Variants in SNORC observed in about 807,000 individuals in gnomAD.
The protein encoded by SNORC is secondary ossification center associated regulator of chondrocyte maturation.
A neutral mutation model predicts 9.7 loss-of-function variants in SNORC; 11 were observed. The observed-to-expected ratio is 1.14, with a 90% CI of 0.72 to 1.88. The LOEUF (loss-of-function observed/expected upper bound fraction) is 1.88. Ranked by LOEUF, SNORC falls within the 40% of genes most tolerant of loss-of-function variation. The pLI is 0.00. For synonymous variants in SNORC, 108 were observed against 88.7 expected (o/e 1.22, Z -1.22); for missense variants, 197 against 173.1 (o/e 1.14, Z -0.77).
At chr2:232,875,882 G>T (rs1263796164) in intron 1 of SNORC, 58 bp from the exon 2 acceptor site, 11 of 1,495,312 alleles carry the variant, frequency 7.4e-6, no homozygotes, top group Non-Finnish European at 9.8e-6. Flanking sequence ...GAGGTGGGGG[G>T]TGACGTCCCT....
chr2:232,877,968 A>C (rs2106200710), downstream of SNORC: 1 of 152,298 alleles, frequency 6.6e-6, no homozygotes, highest in East Asian at 1.9e-4. Context: ...CAGGGACGAG[A>C]GATGGCCCCC....
intron 1 of SNORC, among the ~76,000 whole-genome samples, chr2:232,871,450 C>A (rs760890646): frequency 6.6e-6 from 1 of 152,216 alleles, no homozygotes; most frequent in East Asian, 1.9e-4. Flanking sequence ...GACACAGCCA[C>A]GCTCTGCCTC....
intron 1 of SNORC, 45 bp downstream of exon 1, chr2:232,870,459 G>A: frequency 6.6e-7 from 1 of 1,525,692 alleles, no homozygotes; most frequent in Non-Finnish European, 8.9e-7. Context: ...AGCCTCCCAG[G>A]GCCGATAACT....
intron 1 of SNORC, among the ~76,000 whole-genome samples, chr2:232,871,565 C>T (rs192858788): frequency 6.6e-6 from 1 of 152,280 alleles, no homozygotes; most frequent in Non-Finnish European, 1.5e-5. Context: ...CCGAGCCCCT[C>T]CCTGGCACAG....
downstream of SNORC, chr2:232,877,098 GC>G (rs542115383): frequency 2.0e-4 from 197 of 986,104 alleles, no homozygotes; most frequent in African/African-American, 3.2e-3. Flanking sequence ...CAGACCAGCA[GC>G]CCCAAGCCCC....
downstream of SNORC, chr2:232,876,516 T>G (rs780654019): frequency 1.6e-6 from 2 of 1,234,894 alleles, no homozygotes; most frequent in Non-Finnish European, 2.0e-6. This position sits in a 1 kb window ranked among gnomAD's most constrained non-coding sequence, Gnocchi z 6.8. Flanking sequence ...CGAGGGTGGG[T>G]GCCGTGCACG....
At chr2:232,869,933 AAC>A, upstream of SNORC, 2 of 308,976 alleles carry the variant, frequency 6.5e-6, no homozygotes, top group South Asian at 5.8e-5. Flanking sequence ...GCCCCACTGA[AAC>A]ACAGTGGCCA....
downstream of SNORC, chr2:232,876,657 C>T: frequency 9.9e-7 from 1 of 1,014,742 alleles, no homozygotes; most frequent in Non-Finnish European, 1.2e-6. This position sits in a 1 kb window ranked among gnomAD's most constrained non-coding sequence, Gnocchi z 6.8. Flanking sequence ...CTCGGCGTCC[C>T]CGTGCACCAC....
upstream of SNORC, among the ~76,000 whole-genome samples, chr2:232,867,104 C>G (rs1055130534): frequency 3.3e-5 from 5 of 152,156 alleles, no homozygotes; most frequent in African/African-American, 1.2e-4. Context: ...AGCCTGAACA[C>G]CCTTTGGAAA....
At chr2:232,877,520 G>T, downstream of SNORC, 1 of 226,124 alleles carries the variant, frequency 4.4e-6, no homozygotes, top group Non-Finnish European at 7.4e-6. Flanking sequence ...TCCTGAGTGG[G>T]AATGTTGCTG....
chr2:232,867,498 G>A (rs1251003296), upstream of SNORC, among the ~76,000 whole-genome samples: 1 of 152,214 alleles, frequency 6.6e-6, no homozygotes, highest in Admixed American at 6.5e-5. Flanking sequence ...TCTGGTCTAA[G>A]TATTTTTTTC....
At chr2:232,872,237 G>C (rs751438314) in intron 1 of SNORC, among the ~76,000 whole-genome samples, 3 of 152,178 alleles carry the variant, frequency 2.0e-5, no homozygotes, top group Non-Finnish European at 4.4e-5. Context: ...TGTGGGCTGA[G>C]GCCCAGGCCC....
chr2:232,876,589 A>G, downstream of SNORC: 13 of 1,125,338 alleles, frequency 1.2e-5, no homozygotes, highest in Non-Finnish European at 1.4e-5. The surrounding 1 kb of genome is among the most constrained non-coding windows in gnomAD (Gnocchi z 6.8). Flanking sequence ...GTGAGCGCAC[A>G]GCATGTCCGA....
At chr2:232,877,621 T>G (rs1411086943), downstream of SNORC, 1 of 152,772 alleles carries the variant, frequency 6.5e-6, no homozygotes, top group Non-Finnish European at 1.5e-5. Flanking sequence ...ATGGCACTGT[T>G]TCCTGCCGTG....
At chr2:232,870,962 G>A (rs1323389351) in intron 1 of SNORC, among the ~76,000 whole-genome samples, 2 of 152,220 alleles carry the variant, frequency 1.3e-5, no homozygotes, top group Admixed American at 1.3e-4. Flanking sequence ...TGAGATCAGA[G>A]TGGCGGAGTC....
At chr2:232,875,423 G>A (rs1162251492) in intron 1 of SNORC, 4 of 341,110 alleles carry the variant, frequency 1.2e-5, no homozygotes, top group Non-Finnish European at 6.3e-6. Context: ...CTGGGCTGGA[G>A]AGGCCAAGAG....
At chr2:232,870,517 A>C in intron 1 of SNORC, 103 bp downstream of exon 1, 1 of 1,121,118 alleles carries the variant, frequency 8.9e-7, no homozygotes, top group Non-Finnish European at 1.3e-6. Flanking sequence ...AAGCCCTCTC[A>C]CAGGAGATGG....
chr2:232,872,830 C>G (rs1691080983), intron 1 of SNORC, among the ~76,000 whole-genome samples: 1 of 152,232 alleles, frequency 6.6e-6, no homozygotes, highest in Non-Finnish European at 1.5e-5. Context: ...TCCCTTCTTA[C>G]TGGAGTAAAT....
intron 1 of SNORC, among the ~76,000 whole-genome samples, chr2:232,872,694 CA>C (rs1343543214): frequency 1.3e-5 from 2 of 152,208 alleles, no homozygotes; most frequent in African/African-American, 4.8e-5. Context: ...TTCCGTCCTC[CA>C]CACCTTCGCT....
Sources: allele counts gnomAD v4.1 joint callset (sites outside exome capture counted in the v4.1 genomes callset), GRCh38; gene constraint gnomAD v4.1.1; non-coding constraint Gnocchi (gnomAD v3.1); transcripts MANE v1.5; gene names NCBI Gene and HGNC (gene_info 2026-07-23, HGNC 2026-07-21).